GPM6A: variants seen among roughly 807,000 people sequenced by gnomAD.
GPM6A encodes glycoprotein M6A.
Under a neutral mutation model 32.1 loss-of-function variants are expected in GPM6A, and 7 were observed. That is an observed-to-expected ratio of 0.22 (90% CI 0.12 to 0.41). The LOEUF (loss-of-function observed/expected upper bound fraction) is 0.41, where lower values mean the gene tolerates loss of function less well. Ranked by LOEUF, GPM6A falls within the 10% of genes least tolerant of loss-of-function variation. GPM6A has a pLI of 1.00. For synonymous variants in GPM6A, 130 were observed against 123.4 expected (o/e 1.05, Z -0.35); for missense variants, 235 against 347.2 (o/e 0.68, Z 2.57).
chr4:175,639,325 A>C (rs1354929765), intron 6 of GPM6A, among the ~76,000 whole-genome samples: 2 of 152,170 alleles, frequency 1.3e-5, no homozygotes, highest in Non-Finnish European at 2.9e-5. Context: ...AATACATTAG[A>C]TAGATATTGG....
upstream of GPM6A, chr4:175,812,325 TTTTTTTTTTTTTTTTC>T (rs1734962589): frequency 7.2e-7 from 1 of 1,393,322 alleles, no homozygotes; most frequent in African/African-American, 1.6e-5. Flanking sequence ...TTTTTTTTTT[TTTTTTTTTTTTTTTTC>T]CTGGGAAGCT....
intron 3 of GPM6A, among the ~76,000 whole-genome samples, chr4:175,666,060 A>G (rs1167665087): frequency 6.6e-6 from 1 of 151,558 alleles, no homozygotes; most frequent in Non-Finnish European, 1.5e-5. Flanking sequence ...CTGGGATTAC[A>G]GGTGCCCACC....
At chr4:175,796,596 T>A (rs1158520143) in intron 1 of GPM6A, among the ~76,000 whole-genome samples, 1 of 152,218 alleles carries the variant, frequency 6.6e-6, no homozygotes, top group Admixed American at 6.5e-5. Flanking sequence ...CTTTAGTGTT[T>A]TTCATTATAA....
chr4:175,671,634 T>C (rs1743075147), intron 3 of GPM6A, among the ~76,000 whole-genome samples: 2 of 152,018 alleles, frequency 1.3e-5, no homozygotes, highest in Non-Finnish European at 2.9e-5. Flanking sequence ...GGAGGAATGG[T>C]TGGCAGAGGG....
At chr4:175,813,799 T>C (rs1286894002), upstream of GPM6A, among the ~76,000 whole-genome samples, 1 of 152,230 alleles carries the variant, frequency 6.6e-6, no homozygotes, top group Non-Finnish European at 1.5e-5. Context: ...TTCCACTTTA[T>C]TTCTCATAAA....
chr4:175,709,477 C>G (rs972140080), intron 1 of GPM6A, among the ~76,000 whole-genome samples: 4 of 151,964 alleles, frequency 2.6e-5, no homozygotes, highest in Admixed American at 1.3e-4. Flanking sequence ...AGCCTGTAAT[C>G]CCAGAACTTT....
At chr4:175,943,912 A>G (rs1459910172) in intron 1 of GPM6A, among the ~76,000 whole-genome samples, 6 of 152,082 alleles carry the variant, frequency 3.9e-5, no homozygotes. Flanking sequence ...GTTAGAGAGG[A>G]GTCCCTCTTT....
At chr4:175,862,015 T>TA (rs1736590451) in intron 1 of GPM6A, among the ~76,000 whole-genome samples, 1 of 152,210 alleles carries the variant, frequency 6.6e-6, no homozygotes, top group Admixed American at 6.5e-5. Flanking sequence ...GTAACTGACA[T>TA]AGCGTGTACA....
At chr4:175,986,409 G>A (rs1250773964) in intron 1 of GPM6A, among the ~76,000 whole-genome samples, 4 of 151,778 alleles carry the variant, frequency 2.6e-5, no homozygotes, top group Non-Finnish European at 4.4e-5. Flanking sequence ...CAGTGGCTGT[G>A]GGTATAGTCC....
At chr4:175,865,934 C>A (rs1389773814) in intron 1 of GPM6A, among the ~76,000 whole-genome samples, 2 of 152,066 alleles carry the variant, frequency 1.3e-5, no homozygotes, top group South Asian at 2.1e-4. Context: ...CCACTGAAAC[C>A]ATTTGAACCT....
At chr4:175,845,128 T>C (rs552991847) in intron 1 of GPM6A, among the ~76,000 whole-genome samples, 356 of 152,270 alleles carry the variant, frequency 2.3e-3, no homozygotes, top group Non-Finnish European at 4.4e-3. Flanking sequence ...TATTTTTATT[T>C]TGTGATAGTA....
intron 2 of GPM6A, among the ~76,000 whole-genome samples, chr4:175,683,294 T>C (rs73020133): frequency 0.05 from 7,565 of 152,300 alleles, 213 homozygotes; most frequent in Non-Finnish European, 0.063. Flanking sequence ...ATTTACCTAC[T>C]GTCTGTGTCT....
intron 4 of GPM6A, among the ~76,000 whole-genome samples, chr4:175,650,469 T>C (rs1417913521): frequency 6.6e-6 from 1 of 152,020 alleles, no homozygotes; most frequent in Non-Finnish European, 1.5e-5. Flanking sequence ...CATGCCTGGC[T>C]AATTTTTTAA....
At chr4:175,897,339 C>T (rs1737826754) in intron 1 of GPM6A, among the ~76,000 whole-genome samples, 2 of 152,104 alleles carry the variant, frequency 1.3e-5, no homozygotes, top group Admixed American at 1.3e-4. Flanking sequence ...CTCCTTACTT[C>T]CCACTCTCCA....
chr4:175,783,993 T>A (rs1051499435), intron 1 of GPM6A, among the ~76,000 whole-genome samples: 2 of 152,072 alleles, frequency 1.3e-5, no homozygotes, highest in Admixed American at 6.5e-5. Context: ...AGACAGAATG[T>A]CTCACTTTTT....
intron 1 of GPM6A, among the ~76,000 whole-genome samples, chr4:175,712,377 A>G (rs1430119972): frequency 6.6e-6 from 1 of 152,188 alleles, no homozygotes; most frequent in Non-Finnish European, 1.5e-5. Flanking sequence ...TGGTGCCCCC[A>G]GAGTGCTCCA....
intron 1 of GPM6A, among the ~76,000 whole-genome samples, chr4:175,933,023 A>T (rs1739100728): frequency 6.6e-6 from 1 of 152,094 alleles, no homozygotes; most frequent in South Asian, 2.1e-4. Flanking sequence ...AGTCTATAAA[A>T]AAACACCACA....
chr4:175,927,816 C>T (rs944069294), intron 1 of GPM6A, among the ~76,000 whole-genome samples: 8 of 152,224 alleles, frequency 5.3e-5, no homozygotes, highest in South Asian at 2.1e-4. Context: ...ACCTGCGAGG[C>T]GGAGGTTGCA....
At chr4:175,851,238 T>A (rs972552872) in intron 1 of GPM6A, among the ~76,000 whole-genome samples, 2 of 150,792 alleles carry the variant, frequency 1.3e-5, no homozygotes, top group Non-Finnish European at 3.0e-5. Context: ...GCACCTGTAA[T>A]CCCTTTGAGA....
Sources: allele counts gnomAD v4.1 joint callset (sites outside exome capture counted in the v4.1 genomes callset), GRCh38; gene constraint gnomAD v4.1.1; transcripts MANE v1.5; gene names NCBI Gene and HGNC (gene_info 2026-07-23, HGNC 2026-07-21).